Variants in RDX observed in about 807,000 individuals in gnomAD.
RDX encodes the protein radixin, also known as deafness, autosomal recessive 24.
RDX carries 32 observed loss-of-function variants against 83.7 expected under a neutral mutation model. The ratio of observed to expected loss-of-function variants is 0.38; its 90% CI spans 0.29 to 0.51. The LOEUF is 0.51. Among genes scored for constraint, RDX ranks in the 20% least tolerant of loss-of-function variants. The pLI, the probability that RDX is intolerant of heterozygous loss-of-function variation, is 0.87. For synonymous variants in RDX, 229 were observed against 222.7 expected (o/e 1.03, Z -0.25); for missense variants, 600 against 689.9 (o/e 0.87, Z 1.46).
chr11:110,273,896 A>T (rs1341092909), intron 2 of RDX, among the ~76,000 whole-genome samples: 1 of 152,180 alleles, frequency 6.6e-6, no homozygotes, highest in Non-Finnish European at 1.5e-5. Flanking sequence ...TTTTATATTA[A>T]TACGTATTAC....
At chr11:110,254,604 T>C (rs1051026622) in intron 8 of RDX, among the ~76,000 whole-genome samples, 9 of 152,024 alleles carry the variant, frequency 5.9e-5, no homozygotes, top group Non-Finnish European at 1.0e-4. Flanking sequence ...GCCTCCCTAG[T>C]AGCTGGGATT....
chr11:110,219,123 T>TG (rs1299872416), intron 14 of RDX, among the ~76,000 whole-genome samples: 1 of 152,180 alleles, frequency 6.6e-6, no homozygotes, highest in Non-Finnish European at 1.5e-5. Context: ...TAAATAGGGT[T>TG]GTAAAAGGCG....
chr11:110,283,011 C>G (rs1490979023), intron 1 of RDX, among the ~76,000 whole-genome samples: 2 of 151,814 alleles, frequency 1.3e-5, no homozygotes, highest in African/African-American at 4.8e-5. Context: ...AAAAAATCCA[C>G]AGGATATCAT....
At chr11:110,249,846 C>CA (rs1380428228) in intron 9 of RDX, among the ~76,000 whole-genome samples, 1 of 152,110 alleles carries the variant, frequency 6.6e-6, no homozygotes, top group Non-Finnish European at 1.5e-5. Context: ...TGTGCCCCAG[C>CA]CTGGCAGGCA....
At chr11:110,280,477 G>A (rs769534369) in intron 1 of RDX, among the ~76,000 whole-genome samples, 18 of 152,110 alleles carry the variant, frequency 1.2e-4, no homozygotes, top group Non-Finnish European at 2.2e-4. Context: ...TCAAACTCCT[G>A]GCCTCAAGCA....
chr11:110,243,115 G>A (rs1053130566), intron 10 of RDX, among the ~76,000 whole-genome samples: 1 of 152,116 alleles, frequency 6.6e-6, no homozygotes, highest in Non-Finnish European at 1.5e-5. Context: ...TTGAGCATTT[G>A]CATGACACTC....
At chr11:110,267,810 G>C (rs569722694) in intron 3 of RDX, among the ~76,000 whole-genome samples, 2 of 150,808 alleles carry the variant, frequency 1.3e-5, no homozygotes, top group African/African-American at 4.9e-5. Context: ...AAAAAAATTA[G>C]CTAAGTAGTC....
At position 110,266,025 on chromosome 11, in the gene RDX, C is replaced by A. The variant is rs11820630; in HGVS notation, c.97-1151G>T. Among the ~76,000 whole-genome samples, 1,182 of 152,080 alleles carry A rather than the reference C, an allele frequency of 7.8e-3. 11 individuals are homozygous for A. Among genetic ancestry groups the A allele is most frequent in the African/African-American group, 0.026 (1,077 of 41,476 alleles). On this transcript the variant is annotated intron_variant, in intron 3 of 13. Coordinates refer to ENST00000645495, the MANE Select transcript of RDX (RefSeq NM_002906.4). ...GAATGATCAGCCTGTGGTAGATACT[C>A]AAAAGTAAGACTAAGTAGGCTGTGC...
intron 12 of RDX, 98 bp from the exon 13 acceptor site, chr11:110,233,577 G>C: frequency 1.5e-6 from 2 of 1,332,836 alleles, no homozygotes; most frequent in African/African-American, 1.5e-5. Context: ...TGTATTTCAA[G>C]GTAATGAAAA....
chr11:110,261,474 A>G (rs370129875), intron 5 of RDX, among the ~76,000 whole-genome samples: 4 of 152,180 alleles, frequency 2.6e-5, no homozygotes, highest in East Asian at 1.9e-4. Context: ...GAATCACTAA[A>G]TTATTTTATT....
chr11:110,192,152 A>G lies in RDX; in HGVS notation c.*31+7429T>C, dbSNP rs7932818. Among the ~76,000 whole-genome samples the G allele has an allele frequency of 9.4e-3, 1,435 of 152,318 alleles. 30 individuals are homozygous for G. The highest frequency in any genetic ancestry group is 0.033 in the African/African-American group (1,365 of 41,572). On this transcript the variant is annotated intron_variant, in intron 15 of 15. Coordinates refer to the RDX transcript ENST00000528498. ...CTTCAAACTATACTGTAAGGCTGCC[A>G]TAACCAAAACAGCATGATATGAGCA...
rs1289967350 is a variant in RDX, at chr11:110,250,888, C to G, written c.960-3055G>C. ...TCAAATAATACAAATGCCTTCAGCC[C>G]TTTACATTACTCAGTGATATCTAGT... On this transcript the variant is annotated intron_variant, in intron 9 of 13. Transcript: ENST00000645495. Among the ~76,000 whole-genome samples, 4 of 152,150 alleles carry G rather than the reference C, an allele frequency of 2.6e-5. No homozygotes were observed. The South Asian group carries it at 8.3e-4, about 32-fold the overall frequency.
intron 14 of RDX, among the ~76,000 whole-genome samples, chr11:110,220,123 A>G (rs950319126): frequency 6.6e-6 from 1 of 152,246 alleles, no homozygotes; most frequent in Non-Finnish European, 1.5e-5. Flanking sequence ...CACACACTCA[A>G]CAAACATGGG....
At chr11:110,262,734 C>A (rs1859855127) in intron 5 of RDX, among the ~76,000 whole-genome samples, 1 of 151,950 alleles carries the variant, frequency 6.6e-6, no homozygotes. Flanking sequence ...TAGAAGGTAG[C>A]CAGAGAAGGA....
chr11:110,252,727 A>T (rs1859388804), intron 9 of RDX, among the ~76,000 whole-genome samples: 1 of 152,248 alleles, frequency 6.6e-6, no homozygotes, highest in Non-Finnish European at 1.5e-5. Flanking sequence ...ACAGCACATG[A>T]GCACAATAAA....
At chr11:110,218,911 G>C (rs1458855202) in intron 14 of RDX, among the ~76,000 whole-genome samples, 1 of 152,092 alleles carries the variant, frequency 6.6e-6, no homozygotes, top group Non-Finnish European at 1.5e-5. Context: ...GAGCATCTAT[G>C]GCATTCCAGG....
rs1346581615 is a variant in RDX, at chr11:110,230,192, G to A, written c.*1677C>T. The A allele has an allele frequency of 3.9e-5, 6 of 152,022 alleles. No homozygotes were observed. In the East Asian group the frequency reaches 1.2e-3, roughly 29 times the overall value. The allele number at this position is 152,022 out of a possible 1,614,324, so 9.4% of individuals were successfully genotyped here. ...TGTGCATGAAAATGTTTAATAAAATGGCAATTTTAATAGATAAATGTAAAT... is the reference window on the plus strand; with the variant it reads ...TGTGCATGAAAATGTTTAATAAAATAGCAATTTTAATAGATAAATGTAAAT... On this transcript the variant is annotated 3_prime_UTR_variant, in exon 14 of 14. Coordinates refer to ENST00000645495, the MANE Select transcript of RDX (RefSeq NM_002906.4).
intron 15 of RDX, among the ~76,000 whole-genome samples, chr11:110,178,257 T>C (rs751989777): frequency 1.3e-4 from 20 of 152,210 alleles, no homozygotes; most frequent in Non-Finnish European, 2.2e-4. Context: ...CCCTCTCTTC[T>C]AGTGCAGAAC....
At chr11:110,208,596 T>C (rs1304364194) in intron 14 of RDX, among the ~76,000 whole-genome samples, 1 of 152,224 alleles carries the variant, frequency 6.6e-6, no homozygotes, top group African/African-American at 2.4e-5. Context: ...TCAACTTTCC[T>C]CTAGATTTTG....
Sources: allele counts gnomAD v4.1 joint callset (sites outside exome capture counted in the v4.1 genomes callset), GRCh38; gene constraint gnomAD v4.1.1; transcripts MANE v1.5; gene names NCBI Gene and HGNC (gene_info 2026-07-23, HGNC 2026-07-21).